JADE2: variants seen among roughly 807,000 people sequenced by gnomAD.
JADE2 encodes E3 ubiquitin-protein ligase Jade-2.
JADE2 carries 13 observed loss-of-function variants against 85.7 expected under a neutral mutation model. The ratio of observed to expected loss-of-function variants is 0.15; its 90% CI spans 0.10 to 0.24. The LOEUF is 0.24. Ranked by LOEUF, JADE2 falls within the 10% of genes least tolerant of loss-of-function variation. The pLI, the probability that JADE2 is intolerant of heterozygous loss-of-function variation, is 1.00. For synonymous variants in JADE2, 440 were observed against 456.1 expected, an observed-to-expected ratio of 0.96 and a Z score of 0.45; for missense variants, 846 against 1,115.9, an observed-to-expected ratio of 0.76 and a Z score of 3.45.
intron 3 of JADE2, among the ~76,000 whole-genome samples, chr5:134,543,625 C>T (rs563424356): frequency 5.3e-5 from 8 of 152,128 alleles, no homozygotes; most frequent in South Asian, 4.2e-4. Flanking sequence ...TGCAGTGAGC[C>T]GAGATTGCAC....
chr5:134,561,696 T>G lies in JADE2; in HGVS notation c.685-504T>G, dbSNP rs118003337. On this transcript the variant is annotated intron_variant, in intron 6 of 11. Coordinates refer to ENST00000681547, the MANE Select transcript of JADE2 (RefSeq NM_001388185.1). Reference sequence around the variant, plus strand: ...GGACTTTGCCAGGCTGGCAGGTAGGTGGGCAGTGCAAGTCTCATATAAACA... The same window carrying G: ...GGACTTTGCCAGGCTGGCAGGTAGGGGGGCAGTGCAAGTCTCATATAAACA... Among the ~76,000 whole-genome samples, 179 of 152,254 alleles carry G rather than the reference T, an allele frequency of 1.2e-3. 6 individuals are homozygous for G. The East Asian group carries it at 0.028, about 24-fold the overall frequency.
chr5:134,525,892 C>T lies in JADE2; in HGVS notation c.-120C>T, dbSNP rs976776360. On this transcript the variant is annotated 5_prime_UTR_variant, in exon 1 of 12. Transcript: ENST00000681547. Reference sequence around the variant, plus strand: ...GCCGCGACCCCGGATGGATGCGCGCCCCCCGCCCTCCCGCGCCGGCCCCAG... The same window carrying T: ...GCCGCGACCCCGGATGGATGCGCGCTCCCCGCCCTCCCGCGCCGGCCCCAG... The T allele has an allele frequency of 3.0e-6, 3 of 985,786 alleles. No homozygotes were observed. Among genetic ancestry groups the T allele is most frequent in the African/African-American group, 1.8e-5 (1 of 57,106 alleles). The allele number at this position is 985,786 out of a possible 1,614,324, so 61.1% of individuals were successfully genotyped here. A position where few individuals can be genotyped will look rare whatever the true frequency, so the allele number is the denominator to read the frequency against.
At chr5:134,524,691 C>T (rs1486744497), upstream of JADE2, among the ~76,000 whole-genome samples, 3 of 152,248 alleles carry the variant, frequency 2.0e-5, no homozygotes, top group Non-Finnish European at 4.4e-5. Flanking sequence ...CGCTAGGCGC[C>T]AGGAGGCACC....
chr5:134,546,222 G>A (rs993138821), intron 3 of JADE2, among the ~76,000 whole-genome samples: 1 of 152,198 alleles, frequency 6.6e-6, no homozygotes, highest in South Asian at 2.1e-4. Flanking sequence ...AGGCTGGAGT[G>A]CAGTGGCATG....
At chr5:134,577,058 A>G in intron 11 of JADE2, 162 bp downstream of exon 11, 2 of 726,884 alleles carry the variant, frequency 2.8e-6, no homozygotes, top group South Asian at 2.0e-5. Context: ...CCTTCCACCC[A>G]CAAAGGAGAC....
intron 1 of JADE2, among the ~76,000 whole-genome samples, chr5:134,534,208 C>T (rs1761441020): frequency 6.6e-6 from 1 of 152,148 alleles, no homozygotes; most frequent in Non-Finnish European, 1.5e-5. Context: ...CAGTTTCCTC[C>T]TCTGCAAAAG....
chr5:134,559,794 C>T, intron 4 of JADE2, 36 bp from the exon 5 acceptor site: 1 of 1,586,734 alleles, frequency 6.3e-7, no homozygotes, highest in Non-Finnish European at 8.6e-7. Flanking sequence ...AGGCTGAGGG[C>T]CCCTCCCTTC....
intron 3 of JADE2, among the ~76,000 whole-genome samples, chr5:134,549,799 G>A (rs1046707065): frequency 1.3e-5 from 2 of 152,278 alleles, no homozygotes; most frequent in African/African-American, 4.8e-5. Flanking sequence ...TGTCCCAAGT[G>A]TGTGGTTCTC....
rs951854804 is a variant in JADE2, at chr5:134,582,469, C to T, written c.*3152C>T. ...GCTGGGACAATTCCTAGAGATTCAA[C>T]TGCCCAATTCTAACCAACATTGGCA... On this transcript the variant is annotated 3_prime_UTR_variant, in exon 12 of 12. Transcript: ENST00000681547. 3 of 152,250 alleles carry T rather than the reference C, an allele frequency of 2.0e-5. No individual in the cohort carries two copies. Among genetic ancestry groups the T allele is most frequent in the African/African-American group, 7.2e-5 (3 of 41,462 alleles). 9.4% of individuals were successfully genotyped at this position (152,250 alleles called of 1,614,324 possible).
intron 3 of JADE2, chr5:134,544,662 T>A (rs1420946589): frequency 6.2e-6 from 1 of 162,488 alleles, no homozygotes; most frequent in African/African-American, 2.4e-5. Flanking sequence ...AATTAGTACA[T>A]CCCTAGTTGC....
chr5:134,546,388 A>G (rs1192520383), intron 3 of JADE2, among the ~76,000 whole-genome samples: 1 of 152,192 alleles, frequency 6.6e-6, no homozygotes, highest in Admixed American at 6.5e-5. Context: ...CACTGTGCCA[A>G]AAGCAGGCAC....
intron 4 of JADE2, among the ~76,000 whole-genome samples, chr5:134,557,361 T>C (rs1287821594): frequency 6.9e-6 from 1 of 144,740 alleles, no homozygotes; most frequent in Non-Finnish European, 1.5e-5. Flanking sequence ...TTCAGTCTTT[T>C]ACATTGAAAA....
At position 134,559,341 on chromosome 5, in the gene JADE2, A is replaced by G. The variant is rs77752309; in HGVS notation, c.312-489A>G. ...CGTAGACAACCCCTGCCTTGTCCGC[A>G]GCCTTGAAGGGTATGCCGAAGGACC... On this transcript the variant is annotated intron_variant, in intron 4 of 11. Coordinates refer to ENST00000681547, the MANE Select transcript of JADE2 (RefSeq NM_001388185.1). Among the ~76,000 whole-genome samples the G allele has an allele frequency of 3.4e-3, 519 of 152,312 alleles. 2 individuals are homozygous for G. Among genetic ancestry groups the G allele is most frequent in the Non-Finnish European group, 5.1e-3 (347 of 68,020 alleles).
chr5:134,533,928 G>T (rs1761420208), intron 1 of JADE2, among the ~76,000 whole-genome samples: 1 of 151,822 alleles, frequency 6.6e-6, no homozygotes. Context: ...TAAATTTTTT[G>T]TAGAGATGAG....
intron 1 of JADE2, among the ~76,000 whole-genome samples, chr5:134,531,363 G>C (rs1195946677): frequency 1.3e-5 from 2 of 152,120 alleles, no homozygotes; most frequent in African/African-American, 4.8e-5. Context: ...CTTAGGCTTT[G>C]TCTTTTGATC....
chr5:134,553,829 G>A (rs927113759), intron 4 of JADE2, among the ~76,000 whole-genome samples: 8 of 152,234 alleles, frequency 5.3e-5, no homozygotes, highest in African/African-American at 1.9e-4. Context: ...CTGGTCTCAT[G>A]AGGCAGAGAG....
At chr5:134,547,188 A>C (rs1762343275) in intron 3 of JADE2, among the ~76,000 whole-genome samples, 1 of 152,224 alleles carries the variant, frequency 6.6e-6, no homozygotes, top group Admixed American at 6.5e-5. Context: ...AGGCAAGGCC[A>C]TGTGATGTGT....
At chr5:134,539,391 G>A (rs1328955363) in intron 3 of JADE2, among the ~76,000 whole-genome samples, 1 of 151,510 alleles carries the variant, frequency 6.6e-6, no homozygotes, top group Non-Finnish European at 1.5e-5. Flanking sequence ...TAGAGATGGG[G>A]TTTCACCATG....
intron 10 of JADE2, 155 bp downstream of exon 10, chr5:134,573,917 AG>A: frequency 1.4e-6 from 1 of 721,278 alleles, no homozygotes; most frequent in African/African-American, 1.7e-5. Flanking sequence ...TCCAATTAGT[AG>A]GCCCAGACGG....
Sources: allele counts gnomAD v4.1 joint callset (sites outside exome capture counted in the v4.1 genomes callset), GRCh38; gene constraint gnomAD v4.1.1; transcripts MANE v1.5; gene names NCBI Gene and HGNC (gene_info 2026-07-23, HGNC 2026-07-21).